Variants in RC3H1 observed in about 807,000 individuals in gnomAD.
RC3H1 encodes roquin-1.
In RC3H1, 50 loss-of-function variants were observed where a neutral mutation model predicts 138.2. The ratio of observed to expected loss-of-function variants is 0.36; its 90% CI spans 0.29 to 0.46. The LOEUF (loss-of-function observed/expected upper bound fraction) is 0.46. Among genes scored for constraint, RC3H1 ranks in the 20% least tolerant of loss-of-function variants. RC3H1 has a pLI of 1.00. For missense variants in RC3H1, 1,031 were observed against 1,388.1 expected, an observed-to-expected ratio of 0.74 and a Z score of 4.09; for synonymous variants, 462 against 489.1, an observed-to-expected ratio of 0.94 and a Z score of 0.73.
At chr1:173,990,315 G>C (rs1661220948) in intron 2 of RC3H1, among the ~76,000 whole-genome samples, 1 of 151,908 alleles carries the variant, frequency 6.6e-6, no homozygotes, top group African/African-American at 2.4e-5. Context: ...CTGGCCTCAA[G>C]AGATCTGCTA....
At chr1:173,989,474 C>A (rs150497785) in intron 2 of RC3H1, among the ~76,000 whole-genome samples, 1,824 of 152,226 alleles carry the variant, frequency 0.012, 42 homozygotes, top group African/African-American at 0.04. Context: ...CAGACGTGAG[C>A]CACTGTGAAC....
At chr1:173,953,964 G>A (rs1336009628) in intron 13 of RC3H1, among the ~76,000 whole-genome samples, 1 of 152,042 alleles carries the variant, frequency 6.6e-6, no homozygotes, top group African/African-American at 2.4e-5. Context: ...GCTTGAACCT[G>A]GGAGGCGGAG....
chr1:173,980,115 C>A (rs1660750341), intron 6 of RC3H1, among the ~76,000 whole-genome samples: 1 of 144,716 alleles, frequency 6.9e-6, no homozygotes, highest in Admixed American at 7.0e-5. Context: ...TGGCCTCAAG[C>A]AATCCCCCCA....
At position 174,022,173 on chromosome 1, in the gene RC3H1, C is replaced by T; in HGVS notation, c.-228G>A. The T allele has an allele frequency of 2.5e-6, 1 of 395,238 alleles. No individual in the cohort carries two copies. The allele number at this position is 395,238 out of a possible 1,614,324, so 24.5% of individuals were successfully genotyped here. A position where few individuals can be genotyped will look rare whatever the true frequency, so the allele number is the denominator to read the frequency against. ...CCACCGCCGCGGCAGCCGCCGCCGC[C>T]GCCGAGGCCACCGTTGACTCTGATT... On this transcript the variant is annotated 5_prime_UTR_variant, in exon 1 of 20. Transcript: ENST00000367696. The surrounding 1 kb of genome is among the most constrained non-coding windows in gnomAD (Gnocchi z 4.2).
intron 3 of RC3H1, 133 bp downstream of exon 3, chr1:173,984,366 T>C (rs886078769): frequency 1.3e-5 from 9 of 706,636 alleles, no homozygotes; most frequent in Admixed American, 6.9e-5. Flanking sequence ...GACATTTACT[T>C]AGTATGGATA....
At chr1:173,984,425 C>G in intron 3 of RC3H1, 74 bp downstream of exon 3, 1 of 1,424,618 alleles carries the variant, frequency 7.0e-7, no homozygotes, top group Non-Finnish European at 9.4e-7. Context: ...TTCCTCAGGA[C>G]TTATATAGGA....
chr1:173,983,746 T>G (rs1316614993), intron 3 of RC3H1, 89 bp from the exon 4 acceptor site: 1 of 1,347,726 alleles, frequency 7.4e-7, no homozygotes, highest in Non-Finnish European at 1.0e-6. Context: ...CTTGTGGGTA[T>G]GTGACTAGTT....
chr1:173,938,513 C>T lies in RC3H1; in HGVS notation c.*208G>A. The T allele has an allele frequency of 2.7e-6, 1 of 372,398 alleles. No individual in the cohort carries two copies. Among genetic ancestry groups the T allele is most frequent in the Non-Finnish European group, 4.8e-6 (1 of 209,686 alleles). 23.1% of individuals were successfully genotyped at this position (372,398 alleles called of 1,614,324 possible). ...ATTGCTTGCAGATACTGCTAATTTT[C>T]TTTTTCTTTAAATTAAAAAAATGCA... On this transcript the variant is annotated 3_prime_UTR_variant, in exon 20 of 20. Coordinates refer to ENST00000367696, the MANE Select transcript of RC3H1 (RefSeq NM_172071.4).
At chr1:173,999,898 A>G (rs2103064113) in intron 1 of RC3H1, among the ~76,000 whole-genome samples, 1 of 152,358 alleles carries the variant, frequency 6.6e-6, no homozygotes, top group South Asian at 2.1e-4. Flanking sequence ...CAAAGCTAGA[A>G]AGTGGCACGA....
intron 6 of RC3H1, 35 bp from the exon 7 acceptor site, chr1:173,978,655 C>T: frequency 1.3e-6 from 2 of 1,574,208 alleles, no homozygotes; most frequent in South Asian, 1.2e-5. Flanking sequence ...TCCCAAAGGT[C>T]AGATAATCCT....
intron 18 of RC3H1, among the ~76,000 whole-genome samples, chr1:173,942,820 C>T (rs910843958): frequency 6.7e-5 from 10 of 150,182 alleles, no homozygotes; most frequent in African/African-American, 1.7e-4. Context: ...ACAGAGACTC[C>T]GCCTCAAAAA....
At position 173,960,831 on chromosome 1, in the gene RC3H1, T is replaced by C. The variant is rs368225334; in HGVS notation, c.2370+246A>G. Among the ~76,000 whole-genome samples the C allele has an allele frequency of 2.0e-5, 3 of 152,164 alleles. No individual in the cohort carries two copies. The South Asian group carries it at 6.2e-4, about 31-fold the overall frequency. On this transcript the variant is annotated intron_variant, in intron 13 of 19. Transcript: ENST00000367696. ...AAGCAGGACACCAGGGAAAGCATGC[T>C]GATTTCATTAAATTGTGCCGAGTCA...
intron 2 of RC3H1, among the ~76,000 whole-genome samples, chr1:173,987,765 A>G (rs1661090304): frequency 6.6e-6 from 1 of 152,184 alleles, no homozygotes; most frequent in Admixed American, 6.5e-5. Context: ...TACACACGAG[A>G]TATCTCGTAT....
chr1:173,989,469 G>A (rs370962596), intron 2 of RC3H1, among the ~76,000 whole-genome samples: 2 of 152,030 alleles, frequency 1.3e-5, no homozygotes, highest in African/African-American at 2.4e-5. Context: ...GATTACAGAC[G>A]TGAGCCACTG....
intron 2 of RC3H1, among the ~76,000 whole-genome samples, chr1:173,989,143 CCACCTCAGCCT>C (rs899515495): frequency 1.3e-5 from 2 of 152,202 alleles, no homozygotes; most frequent in African/African-American, 4.8e-5. Context: ...GATGATGCTG[CCACCTCAGCCT>C]CACAGATAGG....
At position 173,961,718 on chromosome 1, in the gene RC3H1, A is replaced by T; in HGVS notation, c.2202+7T>A. On this transcript the variant is annotated splice_region_variant and intron_variant, in intron 12 of 19. Transcript: ENST00000367696. ...AAGTCTATGTAATAAAAAAAAATAC[A>T]GCATACTCTGAGGTACGAAGGTCTG... 1 of 1,599,544 alleles carries T rather than the reference A, an allele frequency of 6.3e-7. No individual in the cohort carries two copies. The highest frequency in any genetic ancestry group is 8.5e-7 in the Non-Finnish European group (1 of 1,173,564).
chr1:173,941,922 A>G (rs1263544145), intron 18 of RC3H1, among the ~76,000 whole-genome samples: 1 of 140,978 alleles, frequency 7.1e-6, no homozygotes, highest in African/African-American at 2.7e-5. Flanking sequence ...ACAGAGTGAG[A>G]CTCCCTCTCA....
intron 2 of RC3H1, 71 bp from the exon 3 acceptor site, chr1:173,984,690 A>C: frequency 1.3e-6 from 2 of 1,486,296 alleles, no homozygotes; most frequent in Non-Finnish European, 1.8e-6. Flanking sequence ...TAGTTTATGC[A>C]CTCATAATGC....
At chr1:173,947,903 C>G (rs985598784) in intron 14 of RC3H1, among the ~76,000 whole-genome samples, 1 of 151,928 alleles carries the variant, frequency 6.6e-6, no homozygotes, top group Non-Finnish European at 1.5e-5. Context: ...CCAGCACACC[C>G]AGCTAATTTT....
Sources: gnomAD v4.1 joint callset for allele counts (sites outside exome capture counted in the v4.1 genomes callset) on GRCh38, gnomAD v4.1.1 for gene constraint, Gnocchi (gnomAD v3.1) non-coding constraint, MANE v1.5 for transcripts, NCBI Gene and HGNC (gene_info 2026-07-23, HGNC 2026-07-21) for gene names.